Variants in PTPRN2 observed in about 807,000 individuals in gnomAD.
PTPRN2 encodes the protein protein tyrosine phosphatase receptor type N2, also known as receptor-type tyrosine-protein phosphatase N2.
PTPRN2 carries 74 observed loss-of-function variants against 118.8 expected under a neutral mutation model. That is an observed-to-expected ratio of 0.62 (90% CI 0.52 to 0.76). PTPRN2 has a LOEUF of 0.76. Ranked by LOEUF, PTPRN2 falls within the 30% of genes least tolerant of loss-of-function variation. PTPRN2 has a pLI of 0.00. For missense variants in PTPRN2, 1,481 were observed against 1,394.4 expected (o/e 1.06, Z -0.99); for synonymous variants, 641 against 608.0 (o/e 1.05, Z -0.80).
intron 3 of PTPRN2, among the ~76,000 whole-genome samples, chr7:158,239,508 GCA>G (rs967846878): frequency 1.3e-5 from 2 of 152,172 alleles, no homozygotes; most frequent in Non-Finnish European, 2.9e-5. Context: ...CAGAGGGTGT[GCA>G]GTCACTTTCC....
chr7:158,442,937 G>C (rs1817453955), intron 2 of PTPRN2, among the ~76,000 whole-genome samples: 4 of 151,466 alleles, frequency 2.6e-5, no homozygotes, highest in Admixed American at 2.6e-4. Context: ...AAGCAAATGA[G>C]CACATTAGTG....
At chr7:158,475,396 G>C (rs374720123) in intron 2 of PTPRN2, among the ~76,000 whole-genome samples, 1 of 152,130 alleles carries the variant, frequency 6.6e-6, no homozygotes, top group Non-Finnish European at 1.5e-5. Context: ...AGGCACCCCC[G>C]GCCACTCTCC....
chr7:157,722,965 G>A (rs900245013), intron 12 of PTPRN2, among the ~76,000 whole-genome samples: 5 of 152,204 alleles, frequency 3.3e-5, no homozygotes, highest in East Asian at 1.9e-4. Context: ...AGGGCAGGGC[G>A]ATGCATTTTG....
In PTPRN2 at chr7:157,733,063, G is replaced by A. The variant is rs1481793317; in HGVS notation, c.1789-50126C>T. On this transcript the variant is annotated intron_variant, in intron 12 of 22. Coordinates refer to ENST00000389418, the MANE Select transcript of PTPRN2 (RefSeq NM_002847.5). ...GCACAGTTACCCTTTTCCGTCCCAC[G>A]CGCCCAGCACAGTTACTCTTCCGTC... Among the ~76,000 whole-genome samples the A allele has an allele frequency of 7.5e-5, 3 of 39,914 alleles. 1 individual carries two copies. Among genetic ancestry groups the A allele is most frequent in the Non-Finnish European group, 1.5e-4 (3 of 20,128 alleles). The allele number at this position is 39,914 out of a possible 152,430, so 26.2% of individuals were successfully genotyped here.
intron 7 of PTPRN2, 104 bp from the exon 8 acceptor site, chr7:158,136,799 G>T: frequency 9.6e-7 from 1 of 1,045,072 alleles, no homozygotes; most frequent in Non-Finnish European, 1.5e-6. Flanking sequence ...TACGAAAGGT[G>T]AGGTGTGATG....
intron 14 of PTPRN2, among the ~76,000 whole-genome samples, chr7:157,633,264 C>T (rs1211725377): frequency 6.6e-6 from 1 of 152,062 alleles, no homozygotes; most frequent in African/African-American, 2.4e-5. Flanking sequence ...CCTCAGCCTC[C>T]CAAGTAGCTA....
At chr7:157,757,337 AGAAGCCAGGCCTG>A (rs1563077177) in intron 12 of PTPRN2, among the ~76,000 whole-genome samples, 1 of 152,206 alleles carries the variant, frequency 6.6e-6, no homozygotes, top group Non-Finnish European at 1.5e-5. Flanking sequence ...GCAGCGACAC[AGAAGCCAGGCCTG>A]GAAGGCAGAG....
chr7:157,592,994 C>CCTCCAGACCCT (rs1801083148), intron 17 of PTPRN2, among the ~76,000 whole-genome samples: 1 of 135,434 alleles, frequency 7.4e-6, no homozygotes, highest in African/African-American at 3.0e-5. Flanking sequence ...GTGTGGATGC[C>CCTCCAGACCCT]GAGAGGCTTC....
At chr7:158,310,762 C>T (rs1439379899) in intron 3 of PTPRN2, among the ~76,000 whole-genome samples, 17 of 146,794 alleles carry the variant, frequency 1.2e-4, no homozygotes, top group African/African-American at 3.1e-4. Flanking sequence ...CCGGACAGAG[C>T]GCAAGTCCCA....
chr7:157,700,953 CTCA>C (rs1193783742), intron 12 of PTPRN2, among the ~76,000 whole-genome samples: 3 of 152,242 alleles, frequency 2.0e-5, no homozygotes, highest in South Asian at 2.1e-4. Context: ...CTACGGACTG[CTCA>C]TCATTTCACG....
At chr7:158,324,826 A>C (rs1280197040) in intron 2 of PTPRN2, among the ~76,000 whole-genome samples, 1 of 152,196 alleles carries the variant, frequency 6.6e-6, no homozygotes, top group South Asian at 2.1e-4. Context: ...GGACCGAACA[A>C]GGTGGCTTTG....
At chr7:158,236,518 G>T (rs73746438) in intron 3 of PTPRN2, among the ~76,000 whole-genome samples, 1 of 152,148 alleles carries the variant, frequency 6.6e-6, no homozygotes, top group African/African-American at 2.4e-5. Flanking sequence ...GCGTCTGTGG[G>T]GTGGGGGCAC....
chr7:158,488,679 C>T (rs1228386475), intron 2 of PTPRN2, among the ~76,000 whole-genome samples: 1 of 152,252 alleles, frequency 6.6e-6, no homozygotes. Flanking sequence ...CACCTCAGTC[C>T]CCCGCCGGCA....
chr7:158,190,770 G>A (rs1318719453), intron 5 of PTPRN2, among the ~76,000 whole-genome samples: 1 of 152,274 alleles, frequency 6.6e-6, no homozygotes, highest in African/African-American at 2.4e-5. Context: ...GCACCCCGTG[G>A]CCCCTGCATG....
intron 3 of PTPRN2, among the ~76,000 whole-genome samples, chr7:158,309,169 T>C (rs1801511492): frequency 1.1e-5 from 1 of 92,698 alleles, no homozygotes; most frequent in African/African-American, 3.9e-5. Context: ...GATTGAAGGA[T>C]GCAAAGTATT....
At chr7:158,464,682 AT>A (rs1277882439) in intron 2 of PTPRN2, among the ~76,000 whole-genome samples, 6 of 149,322 alleles carry the variant, frequency 4.0e-5, no homozygotes, top group Admixed American at 1.3e-4. Flanking sequence ...TTGCCATGCC[AT>A]TTAGTAAATA....
chr7:158,341,549 C>G (rs1806796931), intron 2 of PTPRN2, among the ~76,000 whole-genome samples: 1 of 129,828 alleles, frequency 7.7e-6, no homozygotes, highest in African/African-American at 2.9e-5. Context: ...GTGACATCTG[C>G]AGACGTCACT....
intron 6 of PTPRN2, among the ~76,000 whole-genome samples, chr7:158,149,419 G>A (rs780675099): frequency 6.7e-6 from 1 of 149,592 alleles, no homozygotes; most frequent in Admixed American, 6.7e-5. Context: ...AAATGTATAA[G>A]ATGTTACCTT....
At chr7:157,575,172 G>A (rs1033133993) in intron 19 of PTPRN2, among the ~76,000 whole-genome samples, 4 of 152,210 alleles carry the variant, frequency 2.6e-5, no homozygotes, top group African/African-American at 9.7e-5. Flanking sequence ...CTGGATGAAC[G>A]CAAAGACGGG....
Sources: gnomAD v4.1 joint callset for allele counts (sites outside exome capture counted in the v4.1 genomes callset) on GRCh38, gnomAD v4.1.1 for gene constraint, MANE v1.5 for transcripts, NCBI Gene and HGNC (gene_info 2026-07-23, HGNC 2026-07-21) for gene names.